SETBP1: variants seen among roughly 807,000 people sequenced by gnomAD.
SETBP1 encodes SET-binding protein.
Under a neutral mutation model 101.0 loss-of-function variants are expected in SETBP1, and 9 were observed. The observed-to-expected ratio is 0.09, with a 90% CI of 0.05 to 0.16. The LOEUF (loss-of-function observed/expected upper bound fraction) is 0.16, where lower values mean the gene tolerates loss of function less well. SETBP1 is among the 10% of genes least tolerant of loss of function. SETBP1 has a pLI of 1.00. For synonymous variants in SETBP1, 818 were observed against 788.5 expected (o/e 1.04, Z -0.63); for missense variants, 1,858 against 2,033.8 (o/e 0.91, Z 1.66).
chr18:45,006,699 A>G (rs1848949153), intron 4 of SETBP1, among the ~76,000 whole-genome samples: 1 of 152,210 alleles, frequency 6.6e-6, no homozygotes, highest in Non-Finnish European at 1.5e-5. Context: ...GGCCCACCCT[A>G]AAGACCTCAT....
At chr18:45,000,492 A>AGAG (rs1182821887) in intron 4 of SETBP1, among the ~76,000 whole-genome samples, 10 of 151,918 alleles carry the variant, frequency 6.6e-5, no homozygotes, top group Non-Finnish European at 7.4e-5. Context: ...GACTGCAGTT[A>AGAG]GAGGTCTGTG....
At chr18:44,751,462 C>G (rs1300139173) in intron 2 of SETBP1, among the ~76,000 whole-genome samples, 1 of 152,128 alleles carries the variant, frequency 6.6e-6, no homozygotes, top group Admixed American at 6.5e-5. Context: ...TTTCCATGCC[C>G]CTTTCTCTTT....
intron 3 of SETBP1, among the ~76,000 whole-genome samples, chr18:44,915,468 A>C (rs16978228): frequency 0.057 from 8,680 of 152,306 alleles, 836 homozygotes; most frequent in African/African-American, 0.2. Context: ...ATATAAGAGC[A>C]AACATGATCT....
At chr18:45,002,082 C>A (rs1268132517) in intron 4 of SETBP1, among the ~76,000 whole-genome samples, 2 of 152,004 alleles carry the variant, frequency 1.3e-5, no homozygotes, top group African/African-American at 4.8e-5. Context: ...ATTGATCTCT[C>A]TTTGAAAAAA....
At chr18:44,842,832 C>T (rs1373016929) in intron 2 of SETBP1, among the ~76,000 whole-genome samples, 1 of 152,204 alleles carries the variant, frequency 6.6e-6, no homozygotes, top group Non-Finnish European at 1.5e-5. Context: ...TCTGAGGAAC[C>T]AACTGTTACA....
rs117341664 is a variant in SETBP1 at position 44,843,734 on chromosome 18, G to A, written c.487-25496G>A. Among the ~76,000 whole-genome samples, 552 of 152,298 alleles carry A rather than the reference G, an allele frequency of 3.6e-3. 10 individuals are homozygous for A. The South Asian group carries it at 0.038, about 10-fold the overall frequency. ...AGGCAGTAGGGAGTATGGCTTCCTG[G>A]GAGCGGGAAAGGTGATTCATGGTTT... On this transcript the variant is annotated intron_variant, in intron 2 of 5. Coordinates refer to ENST00000649279, the MANE Select transcript of SETBP1 (RefSeq NM_015559.3).
At position 45,067,432 on chromosome 18, in the gene SETBP1, G is replaced by A. The variant is rs1426745195; in HGVS notation, c.*3734G>A. The stretch of plus-strand genomic sequence containing the variant: ...TAAAGTCTACACACATATTTCCAAA[G>A]CCTTTAAATACCAACTGCAGCATGG... On this transcript the variant is annotated 3_prime_UTR_variant, in exon 6 of 6. Transcript: ENST00000649279. 1 of 152,116 alleles carries A rather than the reference G, an allele frequency of 6.6e-6. No homozygotes were observed. The highest frequency in any genetic ancestry group is 2.4e-5 in the African/African-American group (1 of 41,426). 9.4% of individuals were successfully genotyped at this position (152,116 alleles called of 1,614,324 possible). A position where few individuals can be genotyped will look rare whatever the true frequency, so the allele number is the denominator to read the frequency against.
intron 5 of SETBP1, among the ~76,000 whole-genome samples, chr18:45,041,618 A>C (rs113123494): frequency 2.0e-5 from 3 of 152,312 alleles, no homozygotes; most frequent in African/African-American, 7.2e-5. Flanking sequence ...TCGTGTATTG[A>C]GATAAGAAGG....
rs2145586222 is a variant in SETBP1 at position 45,061,312 on chromosome 18, T to C, written c.4172-1767T>C. On this transcript the variant is annotated intron_variant, in intron 5 of 5. Transcript: ENST00000649279. ...AGAAACAATTCTTAAATCTCTTTTA[T>C]ATACAAGGCACCCTGCTAGGCCCTT... is the stretch of plus-strand genomic sequence containing the variant. Among the ~76,000 whole-genome samples the C allele has an allele frequency of 2.0e-5, 3 of 152,340 alleles. No individual in the cohort carries two copies. In the South Asian group the frequency reaches 6.2e-4, roughly 32 times the overall value.
rs1259523140 is a variant in SETBP1 at position 44,957,725 on chromosome 18, A to G, written c.4000+4385A>G. ...CAAAAATAATACAAAAACCTCCTCC[A>G]AGCAGTCACCCAGATGAGGGAATTA... On this transcript the variant is annotated intron_variant, in intron 4 of 5. Coordinates refer to ENST00000649279, the MANE Select transcript of SETBP1 (RefSeq NM_015559.3). Among the ~76,000 whole-genome samples the G allele has an allele frequency of 2.0e-5, 3 of 152,118 alleles. No homozygotes were observed. The East Asian group carries it at 5.8e-4, about 29-fold the overall frequency.
chr18:45,003,619 A>G (rs2072662963), intron 4 of SETBP1, among the ~76,000 whole-genome samples: 1 of 151,786 alleles, frequency 6.6e-6, no homozygotes, highest in Admixed American at 6.6e-5. Flanking sequence ...AACCATCCTC[A>G]TATGAGTCCA....
At chr18:44,686,120 C>T (rs776715452) in intron 1 of SETBP1, among the ~76,000 whole-genome samples, 14 of 152,250 alleles carry the variant, frequency 9.2e-5, no homozygotes, top group East Asian at 1.9e-4. Context: ...GAACTAATAG[C>T]AGCGTTGCCG....
At chr18:44,736,571 A>G (rs1192436838) in intron 2 of SETBP1, among the ~76,000 whole-genome samples, 2 of 152,118 alleles carry the variant, frequency 1.3e-5, no homozygotes, top group African/African-American at 2.4e-5. Context: ...TTTGTGCCAC[A>G]TGGTTGGTAA....
At chr18:44,750,005 G>A (rs1050152116) in intron 2 of SETBP1, among the ~76,000 whole-genome samples, 28 of 152,196 alleles carry the variant, frequency 1.8e-4, no homozygotes, top group African/African-American at 5.8e-4. Context: ...GCAAGATTGA[G>A]TTAAGGCTTG....
At chr18:44,966,575 C>T (rs1161648346) in intron 4 of SETBP1, among the ~76,000 whole-genome samples, 2 of 152,108 alleles carry the variant, frequency 1.3e-5, no homozygotes, top group East Asian at 1.9e-4. Context: ...GTAGGAGAAT[C>T]GCAGTCATGT....
At chr18:44,745,749 G>A (rs183408659) in intron 2 of SETBP1, among the ~76,000 whole-genome samples, 3 of 152,294 alleles carry the variant, frequency 2.0e-5, no homozygotes, top group African/African-American at 7.2e-5. Context: ...GGGCCATGGA[G>A]CCTTGGAAGT....
intron 2 of SETBP1, among the ~76,000 whole-genome samples, chr18:44,725,759 T>C (rs1428136673): frequency 1.3e-5 from 2 of 152,088 alleles, no homozygotes; most frequent in African/African-American, 4.8e-5. Context: ...GGGTGTGCTG[T>C]CACCTCTTCC....
intron 2 of SETBP1, among the ~76,000 whole-genome samples, chr18:44,775,849 A>G (rs1359883078): frequency 4.6e-5 from 7 of 152,160 alleles, no homozygotes; most frequent in Non-Finnish European, 7.3e-5. Context: ...TCATAGATAC[A>G]TGATGGATTT....
intron 4 of SETBP1, among the ~76,000 whole-genome samples, chr18:45,017,196 A>G (rs2072965394): frequency 6.6e-6 from 1 of 152,158 alleles, no homozygotes; most frequent in African/African-American, 2.4e-5. Flanking sequence ...CTAGAAAAAA[A>G]ACAGGAAGAG....
Sources: gnomAD v4.1 joint callset for allele counts (sites outside exome capture counted in the v4.1 genomes callset) on GRCh38, gnomAD v4.1.1 for gene constraint, MANE v1.5 for transcripts, NCBI Gene and HGNC (gene_info 2026-07-23, HGNC 2026-07-21) for gene names.